PTPN4: variants seen among roughly 807,000 people sequenced by gnomAD.
PTPN4 encodes the protein protein tyrosine phosphatase non-receptor type 4, also known as tyrosine-protein phosphatase non-receptor type 4.
In PTPN4, 49 loss-of-function variants were observed where a neutral mutation model predicts 135.5. The observed-to-expected ratio is 0.36, with a 90% CI of 0.29 to 0.46. PTPN4 has a LOEUF of 0.46. Among genes scored for constraint, PTPN4 ranks in the 20% least tolerant of loss-of-function variants. PTPN4 has a pLI of 1.00. For missense variants in PTPN4, 860 were observed against 1,101.0 expected (o/e 0.78, Z 3.10); for synonymous variants, 333 against 369.9 (o/e 0.90, Z 1.14).
chr2:119,795,278 C>T (rs1000058841), intron 1 of PTPN4, among the ~76,000 whole-genome samples: 1 of 152,226 alleles, frequency 6.6e-6, no homozygotes, highest in Admixed American at 6.5e-5. Flanking sequence ...CCCCAGGCTT[C>T]AGGCTCTCTG....
At chr2:119,911,710 T>C (rs570886893) in intron 10 of PTPN4, among the ~76,000 whole-genome samples, 57 of 152,186 alleles carry the variant, frequency 3.7e-4, no homozygotes, top group African/African-American at 1.1e-3. Context: ...AAAAGTATAA[T>C]GGCTTTCCTT....
intron 2 of PTPN4, among the ~76,000 whole-genome samples, chr2:119,844,084 C>T (rs1198635466): frequency 1.5e-3 from 37 of 25,252 alleles, no homozygotes; most frequent in African/African-American, 1.5e-3. Flanking sequence ...CCAGACGGGG[C>T]GGCTGGCCGG....
At position 119,803,121 on chromosome 2, in the gene PTPN4, C is replaced by T. The variant is rs183361096; in HGVS notation, c.-17-6716C>T. On this transcript the variant is annotated intron_variant, in intron 1 of 26. Coordinates refer to ENST00000263708, the MANE Select transcript of PTPN4 (RefSeq NM_002830.4). ...TAGAGGTTTATTATGTTTATTGATCCTTTAAAGAACTAGCTTTTTTCCCCT... is the reference window on the plus strand; with the variant it reads ...TAGAGGTTTATTATGTTTATTGATCTTTTAAAGAACTAGCTTTTTTCCCCT... 6.6e-5 allele frequency among the ~76,000 whole-genome samples: 10 copies of T among 152,148 alleles called. No homozygotes were observed. The East Asian group carries it at 1.7e-3, about 26-fold the overall frequency.
rs1678003323 is a variant in PTPN4, at chr2:119,877,571, A to T, written c.368+29A>T. 36 of 1,560,894 alleles carry T rather than the reference A, an allele frequency of 2.3e-5. 1 individual carries two copies. The East Asian group carries it at 8.1e-4, about 35-fold the overall frequency. On this transcript the variant is annotated intron_variant, in intron 5 of 26. Coordinates refer to ENST00000263708, the MANE Select transcript of PTPN4 (RefSeq NM_002830.4). ...GGTTTATGGATATATTTTTCTTGAA[A>T]ATATTGTCAAAACTCTAATATGAAA...
chr2:119,773,608 C>T (rs541226967), intron 1 of PTPN4, among the ~76,000 whole-genome samples: 26 of 151,644 alleles, frequency 1.7e-4, no homozygotes, highest in Non-Finnish European at 3.2e-4. Context: ...TGGTGGCGCA[C>T]GCCTGTAATC....
intron 1 of PTPN4, among the ~76,000 whole-genome samples, chr2:119,762,932 TG>T (rs1463343999): frequency 5.9e-5 from 9 of 152,168 alleles, no homozygotes; most frequent in African/African-American, 2.2e-4. Context: ...CCTTGAAGTT[TG>T]GCTTAGCATT....
intron 3 of PTPN4, among the ~76,000 whole-genome samples, chr2:119,876,934 T>C (rs567297649): frequency 3.2e-4 from 48 of 147,872 alleles, no homozygotes; most frequent in African/African-American, 1.2e-3. Context: ...TGTGTGTGTG[T>C]GTGTGTGCGT....
At chr2:119,901,087 C>T (rs778505180) in intron 10 of PTPN4, among the ~76,000 whole-genome samples, 4 of 152,172 alleles carry the variant, frequency 2.6e-5, no homozygotes, top group Non-Finnish European at 5.9e-5. Context: ...GCCCCCAGGG[C>T]AAATTGTTTT....
intron 2 of PTPN4, among the ~76,000 whole-genome samples, chr2:119,845,293 G>GGAGAGA: frequency 6.9e-6 from 1 of 144,042 alleles, no homozygotes. Flanking sequence ...AGAGGGAGAG[G>GGAGAGA]GAGAGGGCAT....
intron 1 of PTPN4, among the ~76,000 whole-genome samples, chr2:119,772,959 T>C (rs1404929766): frequency 1.3e-5 from 2 of 152,178 alleles, no homozygotes; most frequent in African/African-American, 4.8e-5. Context: ...TACTCTGAAA[T>C]TCAAAACACT....
At chr2:119,919,151 T>G (rs959484049) in intron 11 of PTPN4, among the ~76,000 whole-genome samples, 1 of 152,196 alleles carries the variant, frequency 6.6e-6, no homozygotes, top group Non-Finnish European at 1.5e-5. Context: ...GGTTACATGG[T>G]TGTATTTATT....
At chr2:119,903,762 A>T (rs1051287088) in intron 10 of PTPN4, among the ~76,000 whole-genome samples, 4 of 152,166 alleles carry the variant, frequency 2.6e-5, no homozygotes, top group African/African-American at 9.7e-5. Flanking sequence ...TACCACCTGG[A>T]GACCCAAGGA....
At chr2:119,852,418 A>T (rs1388184614) in intron 2 of PTPN4, among the ~76,000 whole-genome samples, 6 of 152,146 alleles carry the variant, frequency 3.9e-5, no homozygotes, top group Non-Finnish European at 8.8e-5. Flanking sequence ...ACACCCTTCC[A>T]CCAAAGTAAA....
rs70949371 is a variant in PTPN4 at position 119,800,526 on chromosome 2, CTT to C, written c.-17-9300_-17-9299del. 8.5e-3 allele frequency among the ~76,000 whole-genome samples: 1,202 copies of C among 142,218 alleles called. 10 individuals carry two copies. Among genetic ancestry groups the C allele is most frequent in the Non-Finnish European group, 8.8e-3 (574 of 65,288 alleles). The allele number at this position is 142,218 out of a possible 152,430, so 93.3% of individuals were successfully genotyped here. ...TATTGTCAGATAAATGTTTTGCAGG[CTT>C]TTTTTTTTTTACAGTCTGTAAGTTT... On this transcript the variant is annotated intron_variant, in intron 1 of 26. Coordinates refer to ENST00000263708, the MANE Select transcript of PTPN4 (RefSeq NM_002830.4).
rs1679655276 is a variant in PTPN4 at position 119,978,948 on chromosome 2, T to G, written c.*1878T>G. 6.6e-6 allele frequency: 1 copy of G among 152,114 alleles called. No individual in the cohort carries two copies. Among genetic ancestry groups the G allele is most frequent in the African/African-American group, 2.4e-5 (1 of 41,456 alleles). The allele number at this position is 152,114 out of a possible 1,614,324, so 9.4% of individuals were successfully genotyped here. ...AATTATCATATTAAAATATTTAAGT[T>G]TATTTAAAGAGAGAAGTAAACATAA... is the stretch of plus-strand genomic sequence containing the variant. On this transcript the variant is annotated 3_prime_UTR_variant, in exon 27 of 27. Transcript: ENST00000263708.
chr2:119,852,516 G>A (rs1209754352), intron 2 of PTPN4, among the ~76,000 whole-genome samples: 3 of 152,160 alleles, frequency 2.0e-5, no homozygotes, highest in Non-Finnish European at 4.4e-5. Context: ...ATTCTGTAAA[G>A]GTTGATTTGT....
intron 23 of PTPN4, among the ~76,000 whole-genome samples, chr2:119,961,251 TA>T: frequency 6.6e-6 from 1 of 152,300 alleles, no homozygotes; most frequent in South Asian, 2.1e-4. Flanking sequence ...TAATGCAATT[TA>T]AAAATGGGCA....
intron 3 of PTPN4, among the ~76,000 whole-genome samples, chr2:119,873,958 T>C (rs1180465756): frequency 2.0e-5 from 3 of 152,140 alleles, no homozygotes; most frequent in African/African-American, 7.2e-5. Context: ...CCCAGATATA[T>C]ATTGAAGAGA....
chr2:119,925,207 C>A (rs571744934), intron 12 of PTPN4, among the ~76,000 whole-genome samples: 4 of 152,256 alleles, frequency 2.6e-5, no homozygotes, highest in African/African-American at 9.6e-5. Flanking sequence ...CAGCTGCCAG[C>A]AGCTGCCAGT....
Sources: allele counts gnomAD v4.1 joint callset (sites outside exome capture counted in the v4.1 genomes callset), GRCh38; gene constraint gnomAD v4.1.1; transcripts MANE v1.5; gene names NCBI Gene and HGNC (gene_info 2026-07-23, HGNC 2026-07-21).